Variants in LMOD3 observed in about 807,000 individuals in gnomAD.
LMOD3 encodes the protein leiomodin-3.
In LMOD3, 31 loss-of-function variants were observed where a neutral mutation model predicts 41.8. The ratio of observed to expected loss-of-function variants is 0.74; its 90% CI spans 0.56 to 1.00. The LOEUF (loss-of-function observed/expected upper bound fraction) is 1.00. Among genes scored for constraint, LMOD3 ranks in the 50% least tolerant of loss-of-function variants. The probability of loss-of-function intolerance (pLI) is 0.00; values close to 1 mark genes in which losing one functional copy is unlikely to be tolerated. For missense variants in LMOD3, 755 were observed against 679.5 expected, an observed-to-expected ratio of 1.11 and a Z score of -1.23; for synonymous variants, 292 against 241.9, an observed-to-expected ratio of 1.21 and a Z score of -1.92.
In LMOD3 at chr3:69,118,996, C is replaced by T. The variant is rs767587055; in HGVS notation, c.1359G>A (p.Arg453=). 1.9e-6 allele frequency: 3 copies of T among 1,613,402 alleles called. No individual in the cohort carries two copies. The highest frequency in any genetic ancestry group is 2.2e-5 in the East Asian group (1 of 44,846). ...AGGGGACATTTTGGGGGTTGGGAGG[C>T]CGAGGTGGCGGTGGCTGGAAGAATT... ...MQEFFQPPPP[R]PPNPQNVPFS... The change falls in exon 2 of 3, where the codon CGG becomes CGA. Residue 453 remains arginine, a synonymous_variant. Transcript: ENST00000420581.
intron 2 of LMOD3, among the ~76,000 whole-genome samples, chr3:69,110,234 T>C (rs1327259867): frequency 6.6e-6 from 1 of 151,900 alleles, no homozygotes; most frequent in South Asian, 2.1e-4. Flanking sequence ...TTAGGATTTT[T>C]ATTTTATTTT....
In LMOD3 at chr3:69,110,853, AAT is replaced by A. The variant is rs1302203949; in HGVS notation, c.1657-1734_1657-1733del. On this transcript the variant is annotated intron_variant, in intron 2 of 2. Transcript: ENST00000420581. ...GACACCATCTCAAAAAAAAAAAAAA[AAT>A]ATATATATATATATATATATATTTA... 3.0e-3 allele frequency among the ~76,000 whole-genome samples: 309 copies of A among 104,096 alleles called. 5 individuals carry two copies. Among genetic ancestry groups the A allele is most frequent in the African/African-American group, 7.4e-3 (154 of 20,802 alleles). The allele number at this position is 104,096 out of a possible 152,430, so 68.3% of individuals were successfully genotyped here.
In LMOD3 at chr3:69,120,182, C is replaced by G. The variant is rs1037701989; in HGVS notation, c.295-122G>C. The G allele has an allele frequency of 3.6e-6, 4 of 1,115,008 alleles. No homozygotes were observed. In the African/African-American group the frequency reaches 4.8e-5, roughly 13 times the overall value. The allele number at this position is 1,115,008 out of a possible 1,614,324, so 69.1% of individuals were successfully genotyped here. A position where few individuals can be genotyped will look rare whatever the true frequency, so the allele number is the denominator to read the frequency against. On this transcript the variant is annotated intron_variant, in intron 1 of 2. Transcript: ENST00000420581. ...GAGCTGGTTGCTATTTTAAATAATC[C>G]TTATTTAAATAGCTGATTGCTAAAA...
Position 69,116,145 on chromosome 3 carries a change from G to A in LMOD3, c.1656+2554C>T, listed in dbSNP as rs868018306. ...GATTATACTATGTTTTGGCTTTAAAGCAGAAATTTATAGTACATGCAGAAA... is the reference window on the plus strand; with the variant it reads ...GATTATACTATGTTTTGGCTTTAAAACAGAAATTTATAGTACATGCAGAAA... On this transcript the variant is annotated intron_variant, in intron 2 of 2. Transcript: ENST00000420581. 2.6e-5 allele frequency among the ~76,000 whole-genome samples: 4 copies of A among 152,168 alleles called. No homozygotes were observed. The South Asian group carries it at 6.2e-4, about 24-fold the overall frequency.
At chr3:69,112,926 C>A (rs1041950466) in intron 2 of LMOD3, among the ~76,000 whole-genome samples, 1 of 152,150 alleles carries the variant, frequency 6.6e-6, no homozygotes, top group Non-Finnish European at 1.5e-5. Context: ...TTTCCCACTA[C>A]ACATCAAAGG....
rs777820381 is a variant in LMOD3, at chr3:69,119,473, T to G, written c.882A>C (p.Ala294=). ...CCAAGGCAAATGCTACATTCTCATC[T>G]GCACCCACATTGGCTAAACTGAATG... is the stretch of plus-strand genomic sequence containing the variant. ...IKTFSLANVG[A]DENVAFALAN... The change falls in exon 2 of 3, where the codon GCA becomes GCC. Residue 294 remains alanine, a synonymous_variant. Coordinates refer to ENST00000420581, the MANE Select transcript of LMOD3 (RefSeq NM_198271.5). The G allele has an allele frequency of 6.2e-7, 1 of 1,614,024 alleles. No homozygotes were observed. The highest frequency in any genetic ancestry group is 1.7e-5 in the Admixed American group (1 of 60,030).
At chr3:69,109,786 C>G (rs992932794) in intron 2 of LMOD3, among the ~76,000 whole-genome samples, 11 of 152,042 alleles carry the variant, frequency 7.2e-5, no homozygotes, top group African/African-American at 2.7e-4. Context: ...GCTTCGGACT[C>G]TCAAAGTGCT....
intron 2 of LMOD3, among the ~76,000 whole-genome samples, chr3:69,115,827 C>T: frequency 6.6e-6 from 1 of 152,156 alleles, no homozygotes; most frequent in Non-Finnish European, 1.5e-5. Flanking sequence ...ATTTCAACAG[C>T]TCTGAAATCA....
At chr3:69,110,440 G>A (rs2092343104) in intron 2 of LMOD3, among the ~76,000 whole-genome samples, 1 of 150,560 alleles carries the variant, frequency 6.6e-6, no homozygotes, top group African/African-American at 2.4e-5. Flanking sequence ...ATGTCGGCCA[G>A]GCTTGTCGTG....
Position 69,119,244 on chromosome 3 carries a change from G to C in LMOD3, c.1111C>G (p.Leu371Val), listed in dbSNP as rs546583536. 5.9e-5 allele frequency: 96 copies of C among 1,613,940 alleles called. No homozygotes were observed. In the South Asian group the frequency reaches 1.0e-3, roughly 17 times the overall value. The part of the protein sequence containing the change: ...ARLLKANNTL[L>V]KMGYHFELPG... The stretch of plus-strand genomic sequence containing the variant: ...AGCTCAAAATGGTAGCCCATCTTCA[G>C]GAGAGTGTTGTTTGCCTTCAAAAGC... The change falls in exon 2 of 3, where the codon CTG becomes GTG. Residue 371 changes from leucine (L) to valine (V), a missense_variant. Transcript: ENST00000420581.
chr3:69,122,027 C>A, intron 1 of LMOD3, 66 bp downstream of exon 1: 2 of 1,338,970 alleles, frequency 1.5e-6, no homozygotes, highest in African/African-American at 1.5e-5. Context: ...ATCACAGTTA[C>A]AACAGAGAGA....
rs1190777851 is a variant in LMOD3 at position 69,106,860 on chromosome 3, ATTTTTTTTTTTTTT to A, written c.*2221_*2234del. On this transcript the variant is annotated 3_prime_UTR_variant, in exon 3 of 3. Coordinates refer to ENST00000420581, the MANE Select transcript of LMOD3 (RefSeq NM_198271.5). ...AGCTACCATGCCTGGCTAATTTTGT[ATTTTTTTTTTTTTT>A]TTTTTTTTTTTTTAGTAGAAATGGG... 6 of 50,714 alleles carry A rather than the reference ATTTTTTTTTTTTTT, an allele frequency of 1.2e-4. No homozygotes were observed. The highest frequency in any genetic ancestry group is 2.1e-4 in the Admixed American group (1 of 4,778). The allele number at this position is 50,714 out of a possible 1,614,324, so 3.1% of individuals were successfully genotyped here.
chr3:69,119,412 G>C lies in LMOD3; in HGVS notation c.943C>G (p.Leu315Val). The change falls in exon 2 of 3, where the codon CTC (leucine) becomes GTC (valine). Residue 315 changes from leucine to valine, a missense_variant. Coordinates refer to ENST00000420581, the MANE Select transcript of LMOD3 (RefSeq NM_198271.5). ...GTGATGAAATTGGACTCGATGTTGA[G>C]AGTGGTGATGCTTCTATTTTCACGC... Reference protein sequence around the residue: ...MLRENRSITTLNIESNFITGK... With the variant: ...MLRENRSITTVNIESNFITGK... 1 of 1,614,008 alleles carries C rather than the reference G, an allele frequency of 6.2e-7. No homozygotes were observed. Among genetic ancestry groups the C allele is most frequent in the Non-Finnish European group, 8.5e-7 (1 of 1,179,896 alleles).
rs1477004678 is a variant in LMOD3 at position 69,110,916 on chromosome 3, A to G, written c.1657-1795T>C. On this transcript the variant is annotated intron_variant, in intron 2 of 2. Coordinates refer to ENST00000420581, the MANE Select transcript of LMOD3 (RefSeq NM_198271.5). ...CAAGACAAAAAAAAATTATAAAACA[A>G]CAACAGAAGTCCAACACTGCAAACC... Among the ~76,000 whole-genome samples, 3 of 148,814 alleles carry G rather than the reference A, an allele frequency of 2.0e-5. No individual in the cohort carries two copies. In the East Asian group the frequency reaches 6.1e-4, roughly 30 times the overall value.
At chr3:69,109,870 T>C (rs77215565) in intron 2 of LMOD3, among the ~76,000 whole-genome samples, 5,460 of 152,062 alleles carry the variant, frequency 0.036, 311 homozygotes, top group East Asian at 0.27. Flanking sequence ...ACAAAAGCCT[T>C]GTAGGGAGAG....
chr3:69,119,303 A>AT lies in LMOD3; in HGVS notation c.1051dup (p.Met351AsnfsTer7), dbSNP rs757277832. 6.2e-7 allele frequency: 1 copy of AT among 1,613,806 alleles called. No homozygotes were observed. The highest frequency in any genetic ancestry group is 8.5e-7 in the Non-Finnish European group (1 of 1,179,892). ...TTCCATTTCAGCATGGTGACCCAACATGTGCCTCTGATTGTGAAACCGAAG... is the reference window on the plus strand; with the variant it reads ...TTCCATTTCAGCATGGTGACCCAACATTGTGCCTCTGATTGTGAAACCGAAG... On this transcript the variant is annotated frameshift_variant, in exon 2 of 3. Transcript: ENST00000420581. LOFTEE classifies it high-confidence loss of function.
At chr3:69,110,853 A>AAAAATATATATATATATAT (rs1458630453) in intron 2 of LMOD3, among the ~76,000 whole-genome samples, 1 of 104,168 alleles carries the variant, frequency 9.6e-6, no homozygotes, top group Admixed American at 9.5e-5. Context: ...AAAAAAAAAA[A>AAAAATATATATATATATAT]ATATATATAT....
chr3:69,112,811 G>C (rs551647928), intron 2 of LMOD3, among the ~76,000 whole-genome samples: 2 of 152,318 alleles, frequency 1.3e-5, no homozygotes, highest in East Asian at 3.9e-4. Context: ...CAGAGACTCT[G>C]TCAGTGGACT....
Position 69,107,843 on chromosome 3 carries a change from T to C in LMOD3, c.*1252A>G, listed in dbSNP as rs944927668. 1 of 152,118 alleles carries C rather than the reference T, an allele frequency of 6.6e-6. No homozygotes were observed. The highest frequency in any genetic ancestry group is 1.5e-5 in the Non-Finnish European group (1 of 68,026). The allele number at this position is 152,118 out of a possible 1,614,324, so 9.4% of individuals were successfully genotyped here. A position where few individuals can be genotyped will look rare whatever the true frequency, so the allele number is the denominator to read the frequency against. ...ATTATTACAAAAATCTCAAATTCTA[T>C]GCACCTAGTGGCTAGAATGAATAAT... On this transcript the variant is annotated 3_prime_UTR_variant, in exon 3 of 3. Coordinates refer to ENST00000420581, the MANE Select transcript of LMOD3 (RefSeq NM_198271.5).
Sources: allele counts gnomAD v4.1 joint callset (sites outside exome capture counted in the v4.1 genomes callset), GRCh38; gene constraint gnomAD v4.1.1; transcripts MANE v1.5; gene names NCBI Gene and HGNC (gene_info 2026-07-23, HGNC 2026-07-21).